Variants in RND3 observed in about 807,000 individuals in gnomAD.
RND3 encodes the protein Rho family GTPase 3.
In RND3, 8 loss-of-function variants were observed where a neutral mutation model predicts 26.5. That is an observed-to-expected ratio of 0.30 (90% CI 0.18 to 0.54). The LOEUF (loss-of-function observed/expected upper bound fraction) is 0.54. RND3 is among the 20% of genes least tolerant of loss of function. RND3 has a pLI of 0.94. For missense variants in RND3, 207 were observed against 302.8 expected (o/e 0.68, Z 2.35); for synonymous variants, 113 against 113.0 (o/e 1.00, Z 0.00).
intron 3 of RND3, among the ~76,000 whole-genome samples, chr2:150,483,104 A>T (rs1573956971): frequency 6.6e-6 from 1 of 151,636 alleles, no homozygotes; most frequent in South Asian, 2.1e-4. Context: ...GCAGGAAATT[A>T]TTTTTTTTTC....
In RND3 at chr2:150,486,631, C is replaced by T; in HGVS notation, c.238+63G>A. 1 of 1,194,724 alleles carries T rather than the reference C, an allele frequency of 8.4e-7. No homozygotes were observed. The highest frequency in any genetic ancestry group is 1.3e-6 in the Non-Finnish European group (1 of 797,650). The allele number at this position is 1,194,724 out of a possible 1,614,324, so 74.0% of individuals were successfully genotyped here. A position where few individuals can be genotyped will look rare whatever the true frequency, so the allele number is the denominator to read the frequency against. The stretch of plus-strand genomic sequence containing the variant: ...TTGTAGCGCGCGGTTTCCCGAGACC[C>T]GCCGCGCATCCCCCAGCGACTGGAA... On this transcript the variant is annotated intron_variant, in intron 3 of 5. Coordinates refer to ENST00000263895, the MANE Select transcript of RND3 (RefSeq NM_005168.5). The surrounding 1 kb of genome is among the most constrained non-coding windows in gnomAD (Gnocchi z 4.5).
intron 3 of RND3, among the ~76,000 whole-genome samples, chr2:150,483,026 G>A (rs7593957): frequency 0.59 from 89,091 of 151,978 alleles, 26,474 homozygotes; most frequent in Admixed American, 0.67. Context: ...GTGGATGCGG[G>A]AAAAAAGGAA....
At chr2:150,476,935 T>C (rs1291146788) in intron 3 of RND3, among the ~76,000 whole-genome samples, 1 of 152,204 alleles carries the variant, frequency 6.6e-6, no homozygotes, top group African/African-American at 2.4e-5. Flanking sequence ...CCTGTTTCTG[T>C]GTCCAAAGTC....
At chr2:150,487,059 G>T in intron 2 of RND3, 1 of 601,366 alleles carries the variant, frequency 1.7e-6, no homozygotes. Context: ...ACCAGCCCAT[G>T]TGCAGGCGCG....
In RND3 at chr2:150,486,750, G is replaced by T. The variant is rs766894438; in HGVS notation, c.182C>A (p.Thr61Lys). The T allele has an allele frequency of 6.2e-7, 1 of 1,613,484 alleles. No individual in the cohort carries two copies. The highest frequency in any genetic ancestry group is 8.5e-7 in the Non-Finnish European group (1 of 1,179,420). The change falls in exon 3 of 6, where the codon ACG (threonine) becomes AAG (lysine). Residue 61 changes from threonine to lysine, a missense_variant. Thr to Lys is a moderately conservative substitution (Grantham distance 78). Transcript: ENST00000263895. This position sits in a 1 kb window ranked among gnomAD's most constrained non-coding sequence, Gnocchi z 4.5. ...TTGTGTGTCGATTTCAAAACTGGCC[G>T]TGTAATTCTCAAACACTGTAGGAAC... ...NYVPTVFENY[T>K]ASFEIDTQRI...
At chr2:150,481,368 C>T (rs1345400219) in intron 3 of RND3, among the ~76,000 whole-genome samples, 1 of 152,152 alleles carries the variant, frequency 6.6e-6, no homozygotes, top group Non-Finnish European at 1.5e-5. Flanking sequence ...TGTGGGTATT[C>T]AAAGAAGGTT....
intron 3 of RND3, among the ~76,000 whole-genome samples, chr2:150,479,692 T>C (rs1686237662): frequency 2.0e-5 from 3 of 152,208 alleles, no homozygotes. Context: ...CCTCATGCCA[T>C]CTCTAATCAG....
At chr2:150,472,281 A>G (rs923066687) in intron 4 of RND3, among the ~76,000 whole-genome samples, 3 of 152,132 alleles carry the variant, frequency 2.0e-5, no homozygotes, top group Non-Finnish European at 4.4e-5. Flanking sequence ...AGTACCTGAG[A>G]TAGTTAATAA....
intron 4 of RND3, 148 bp downstream of exon 4, chr2:150,474,727 A>C (rs1459737109): frequency 2.1e-6 from 1 of 479,602 alleles, no homozygotes. Context: ...TGGAAACCCC[A>C]TTTTGGTGTG....
In RND3 at chr2:150,486,805, G is replaced by A. The variant is rs568676537; in HGVS notation, c.151-24C>T. 6.4e-7 allele frequency: 1 copy of A among 1,553,556 alleles called. No homozygotes were observed. Among genetic ancestry groups the A allele is most frequent in the South Asian group, 1.1e-5 (1 of 89,882 alleles). ...TTCTGGATAGACAAAATGGGCAAAA[G>A]AGGAAGGAAAGAGGGCAAAGAGGTT... On this transcript the variant is annotated intron_variant, in intron 2 of 5. Coordinates refer to ENST00000263895, the MANE Select transcript of RND3 (RefSeq NM_005168.5). This position sits in a 1 kb window ranked among gnomAD's most constrained non-coding sequence, Gnocchi z 4.5.
At chr2:150,480,872 C>T (rs1686258664) in intron 3 of RND3, among the ~76,000 whole-genome samples, 1 of 152,134 alleles carries the variant, frequency 6.6e-6, no homozygotes, top group African/African-American at 2.4e-5. Flanking sequence ...TGTGAAAACT[C>T]GTTAAGAATT....
At chr2:150,480,698 C>A (rs1686256813) in intron 3 of RND3, among the ~76,000 whole-genome samples, 1 of 151,894 alleles carries the variant, frequency 6.6e-6, no homozygotes, top group Admixed American at 6.6e-5. Flanking sequence ...TTAGAAAGAG[C>A]ATTCATACTG....
chr2:150,471,679 C>T lies in RND3; in HGVS notation c.431G>A (p.Ser144Asn), dbSNP rs1294665313. 1.9e-6 allele frequency: 3 copies of T among 1,613,250 alleles called. No homozygotes were observed. Among genetic ancestry groups the T allele is most frequent in the Non-Finnish European group, 2.5e-6 (3 of 1,179,456 alleles). Residue 144 changes from serine to asparagine, a missense_variant, in exon 5 of 6, where the codon AGT becomes AAT. By Grantham distance (46) the Ser-to-Asn change is conservative. Coordinates refer to ENST00000263895, the MANE Select transcript of RND3 (RefSeq NM_005168.5). Reference protein sequence around the residue: ...GCKSDLRTDVSTLVELSNHRQ... With the variant: ...GCKSDLRTDVNTLVELSNHRQ... Reference sequence around the variant, plus strand: ...GTGATTGGAGAGCTCTACTAATGTACTAACATCTGTCCGCAGATCAGACTT... The same window carrying T: ...GTGATTGGAGAGCTCTACTAATGTATTAACATCTGTCCGCAGATCAGACTT...
Position 150,486,640 on chromosome 2 carries a change from T to G in RND3, c.238+54A>C. The stretch of plus-strand genomic sequence containing the variant: ...GCGGTTTCCCGAGACCCGCCGCGCA[T>G]CCCCCAGCGACTGGAAACCCGCCCC... On this transcript the variant is annotated intron_variant, in intron 3 of 5. Coordinates refer to ENST00000263895, the MANE Select transcript of RND3 (RefSeq NM_005168.5). The surrounding 1 kb of genome is among the most constrained non-coding windows in gnomAD (Gnocchi z 4.5). 1 of 1,250,640 alleles carries G rather than the reference T, an allele frequency of 8.0e-7. No homozygotes were observed. The highest frequency in any genetic ancestry group is 1.2e-5 in the South Asian group (1 of 83,868). 77.5% of individuals were successfully genotyped at this position (1,250,640 alleles called of 1,614,324 possible).
At chr2:150,481,812 G>A (rs1420638304) in intron 3 of RND3, among the ~76,000 whole-genome samples, 6 of 151,962 alleles carry the variant, frequency 3.9e-5, no homozygotes, top group Non-Finnish European at 8.8e-5. Flanking sequence ...CTCCAATACT[G>A]CTGAACCATT....
chr2:150,479,699 T>A (rs1017758838), intron 3 of RND3, among the ~76,000 whole-genome samples: 7 of 152,330 alleles, frequency 4.6e-5, no homozygotes, highest in Non-Finnish European at 1.0e-4. Context: ...CCATCTCTAA[T>A]CAGAGGAAAA....
At chr2:150,482,897 G>A (rs1015255151) in intron 3 of RND3, among the ~76,000 whole-genome samples, 3 of 152,070 alleles carry the variant, frequency 2.0e-5, no homozygotes, top group South Asian at 2.1e-4. Flanking sequence ...TGAAATACAC[G>A]CTAAACCAGA....
chr2:150,486,626 A>C lies in RND3; in HGVS notation c.238+68T>G. On this transcript the variant is annotated intron_variant, in intron 3 of 5. Transcript: ENST00000263895. The surrounding 1 kb of genome is among the most constrained non-coding windows in gnomAD (Gnocchi z 4.5). Reference sequence around the variant, plus strand: ...ACGGCTTGTAGCGCGCGGTTTCCCGAGACCCGCCGCGCATCCCCCAGCGAC... The same window carrying C: ...ACGGCTTGTAGCGCGCGGTTTCCCGCGACCCGCCGCGCATCCCCCAGCGAC... 2 of 1,157,424 alleles carry C rather than the reference A, an allele frequency of 1.7e-6. No individual in the cohort carries two copies. The allele number at this position is 1,157,424 out of a possible 1,614,324, so 71.7% of individuals were successfully genotyped here. A position where few individuals can be genotyped will look rare whatever the true frequency, so the allele number is the denominator to read the frequency against.
At chr2:150,482,493 T>C (rs767969124) in intron 3 of RND3, among the ~76,000 whole-genome samples, 7 of 152,182 alleles carry the variant, frequency 4.6e-5, no homozygotes, top group Non-Finnish European at 8.8e-5. Flanking sequence ...AATTTGAAAA[T>C]CAATGGGAGC....
Sources: allele counts gnomAD v4.1 joint callset (sites outside exome capture counted in the v4.1 genomes callset), GRCh38; gene constraint gnomAD v4.1.1; non-coding constraint Gnocchi (gnomAD v3.1); transcripts MANE v1.5; gene names NCBI Gene and HGNC (gene_info 2026-07-23, HGNC 2026-07-21).